The following APBA1 variants were observed in gnomAD, a reference collection of about 807,000 sequenced individuals.
The protein encoded by APBA1 is amyloid beta precursor protein binding family A member 1.
In APBA1, 55 loss-of-function variants were observed where a neutral mutation model predicts 86.6. The observed-to-expected ratio is 0.64, with a 90% CI of 0.51 to 0.80. APBA1 has a LOEUF of 0.80. APBA1 is among the 30% of genes least tolerant of loss of function. The probability of loss-of-function intolerance (pLI) is 0.00; values close to 1 mark genes in which losing one functional copy is unlikely to be tolerated. For missense variants in APBA1, 1,090 were observed against 1,183.0 expected, an observed-to-expected ratio of 0.92 and a Z score of 1.15; for synonymous variants, 511 against 493.9, an observed-to-expected ratio of 1.03 and a Z score of -0.46.
At chr9:69,545,544 G>A (rs1240712216) in intron 1 of APBA1, among the ~76,000 whole-genome samples, 2 of 152,180 alleles carry the variant, frequency 1.3e-5, no homozygotes, top group South Asian at 2.1e-4. Flanking sequence ...GCTAACTCAC[G>A]GAAGATGCTT....
chr9:69,644,747 G>A (rs1823357516), intron 1 of APBA1, among the ~76,000 whole-genome samples: 2 of 152,208 alleles, frequency 1.3e-5, no homozygotes, highest in East Asian at 3.8e-4. Flanking sequence ...TGGAAAGCCA[G>A]GGTCCTAATG....
chr9:69,431,424 G>A (rs777968222), intron 12 of APBA1, 26 bp from the exon 13 acceptor site: 15 of 1,604,270 alleles, frequency 9.4e-6, no homozygotes, highest in African/African-American at 2.7e-5. Flanking sequence ...ACACTTTAGT[G>A]GGGGGCTGAG....
At chr9:69,549,075 C>T (rs1032329023) in intron 1 of APBA1, among the ~76,000 whole-genome samples, 2 of 152,186 alleles carry the variant, frequency 1.3e-5, no homozygotes, top group African/African-American at 4.8e-5. Flanking sequence ...CAGGGCCACA[C>T]AGATGATGCA....
At chr9:69,468,023 C>T in intron 4 of APBA1, 55 bp from the exon 5 acceptor site, 1 of 1,589,816 alleles carries the variant, frequency 6.3e-7, no homozygotes, top group Non-Finnish European at 8.6e-7. Context: ...GCCTGCCAAC[C>T]CCCTCAATGG....
chr9:69,598,617 A>G (rs1298382203), intron 1 of APBA1, among the ~76,000 whole-genome samples: 1 of 152,134 alleles, frequency 6.6e-6, no homozygotes, highest in African/African-American at 2.4e-5. Context: ...CATCTTGAAC[A>G]GAACCTGTAT....
At chr9:69,505,130 A>C (rs976405914) in intron 2 of APBA1, among the ~76,000 whole-genome samples, 26 of 152,018 alleles carry the variant, frequency 1.7e-4, no homozygotes, top group African/African-American at 6.0e-4. Context: ...CACCCCAAAA[A>C]TCTCTGTGGC....
At chr9:69,572,934 G>A (rs1837139197) in intron 1 of APBA1, among the ~76,000 whole-genome samples, 1 of 152,136 alleles carries the variant, frequency 6.6e-6, no homozygotes, top group South Asian at 2.1e-4. Context: ...TTCCTATGCA[G>A]TCCCTTGTTT....
intron 1 of APBA1, among the ~76,000 whole-genome samples, chr9:69,524,582 C>CA (rs34042173): frequency 0.055 from 7,907 of 144,272 alleles, 244 homozygotes; most frequent in Middle Eastern, 0.11. Flanking sequence ...ATCAGTAATA[C>CA]AAAAAAAAAC....
intron 1 of APBA1, among the ~76,000 whole-genome samples, chr9:69,616,798 C>T (rs1822709248): frequency 6.6e-6 from 1 of 152,166 alleles, no homozygotes; most frequent in African/African-American, 2.4e-5. Context: ...AAAATCAAAA[C>T]CCAAGGATGA....
intron 1 of APBA1, among the ~76,000 whole-genome samples, chr9:69,560,611 T>C (rs1343719747): frequency 2.0e-5 from 3 of 152,228 alleles, no homozygotes; most frequent in African/African-American, 7.2e-5. Context: ...CTTGGCACAG[T>C]ACTTCATTAA....
At chr9:69,643,851 C>T (rs1254793967) in intron 1 of APBA1, among the ~76,000 whole-genome samples, 4 of 152,204 alleles carry the variant, frequency 2.6e-5, no homozygotes, top group Admixed American at 6.5e-5. Context: ...TCCCTGACTG[C>T]CATCCTTAAT....
chr9:69,562,539 T>C (rs909306596), intron 1 of APBA1, among the ~76,000 whole-genome samples: 1 of 152,094 alleles, frequency 6.6e-6, no homozygotes, highest in Admixed American at 6.5e-5. Context: ...CAAGCCCAGC[T>C]AATTTTTGTA....
At chr9:69,521,047 C>T (rs1314384414) in intron 1 of APBA1, among the ~76,000 whole-genome samples, 3 of 152,210 alleles carry the variant, frequency 2.0e-5, no homozygotes, top group Non-Finnish European at 4.4e-5. Flanking sequence ...TAGGCATTTT[C>T]CACGTGACAC....
intron 2 of APBA1, among the ~76,000 whole-genome samples, chr9:69,482,485 G>T (rs1835529434): frequency 6.6e-6 from 1 of 151,160 alleles, no homozygotes; most frequent in Non-Finnish European, 1.5e-5. Context: ...GGGTGCTGGA[G>T]AGGATGTGGA....
chr9:69,432,087 T>C (rs948240764), intron 12 of APBA1, among the ~76,000 whole-genome samples: 2 of 152,230 alleles, frequency 1.3e-5, no homozygotes, highest in African/African-American at 4.8e-5. Context: ...GATGACTGAC[T>C]GACAGCTGTG....
chr9:69,570,885 A>T (rs146689815), intron 1 of APBA1, among the ~76,000 whole-genome samples: 2 of 152,304 alleles, frequency 1.3e-5, no homozygotes, highest in African/African-American at 4.8e-5. Flanking sequence ...TTTGTTTGTG[A>T]CTATGTTCTG....
chr9:69,616,457 G>A (rs910625382), intron 1 of APBA1, among the ~76,000 whole-genome samples: 1 of 151,908 alleles, frequency 6.6e-6, no homozygotes, highest in Admixed American at 6.6e-5. Context: ...ATGCGAACTG[G>A]GATTGTCATA....
At chr9:69,458,351 G>A (rs886749535) in intron 5 of APBA1, among the ~76,000 whole-genome samples, 163 bp from the exon 6 acceptor site, 19 of 152,214 alleles carry the variant, frequency 1.2e-4, no homozygotes, top group African/African-American at 4.3e-4. Flanking sequence ...GATAATCAAT[G>A]TCGTAATTCA....
intron 1 of APBA1, among the ~76,000 whole-genome samples, chr9:69,576,937 ATTTT>A (rs1020767838): frequency 1.3e-5 from 2 of 152,034 alleles, no homozygotes; most frequent in African/African-American, 4.8e-5. Flanking sequence ...TAATTTTCAA[ATTTT>A]TTTATTTTTG....
Sources: allele counts gnomAD v4.1 joint callset (sites outside exome capture counted in the v4.1 genomes callset), GRCh38; gene constraint gnomAD v4.1.1; transcripts MANE v1.5; gene names NCBI Gene and HGNC (gene_info 2026-07-23, HGNC 2026-07-21).